SH3BP5: variants seen among roughly 807,000 people sequenced by gnomAD.
SH3BP5 encodes SH3 domain-binding protein 5.
SH3BP5 carries 22 observed loss-of-function variants against 43.3 expected under a neutral mutation model. The observed-to-expected ratio is 0.51, with a 90% confidence interval of 0.36 to 0.73. The LOEUF is 0.73. SH3BP5 is among the 30% of genes least tolerant of loss of function. The pLI is 0.00. For synonymous variants in SH3BP5, 255 were observed against 225.8 expected (o/e 1.13, Z -1.16); for missense variants, 529 against 586.9 (o/e 0.90, Z 1.02).
chr3:15,318,609 C>T (rs1698243334), intron 2 of SH3BP5, among the ~76,000 whole-genome samples: 1 of 151,086 alleles, frequency 6.6e-6, no homozygotes, highest in Non-Finnish European at 1.5e-5. Flanking sequence ...GTCACCCAGG[C>T]TGGAGTGCAG....
chr3:15,329,324 T>C (rs748246140), intron 2 of SH3BP5, among the ~76,000 whole-genome samples: 2 of 152,142 alleles, frequency 1.3e-5, no homozygotes, highest in African/African-American at 4.8e-5. Context: ...GTTTAATGCA[T>C]TAGAAATCTG....
chr3:15,285,535 C>T (rs192134983), intron 3 of SH3BP5, among the ~76,000 whole-genome samples: 6 of 152,290 alleles, frequency 3.9e-5, no homozygotes, highest in South Asian at 2.1e-4. Flanking sequence ...CAGTTTGCCA[C>T]GTTATAAAAT....
rs113875344 is a variant in SH3BP5, at chr3:15,302,674, A to AT, written c.330+1428dup. Among the ~76,000 whole-genome samples the AT allele has an allele frequency of 2.6e-5, 4 of 152,212 alleles. 1 individual carries two copies. The highest frequency in any genetic ancestry group is 9.6e-5 in the African/African-American group (4 of 41,526). On this transcript the variant is annotated intron_variant, in intron 3 of 8. Coordinates refer to ENST00000383791, the MANE Select transcript of SH3BP5 (RefSeq NM_004844.5). Reference sequence around the variant, plus strand: ...TCATTCTCTATGGGTCTATCTTAATATATTCCTAGATTTCTGGGACTTAAT... The same window carrying AT: ...TCATTCTCTATGGGTCTATCTTAATATTATTCCTAGATTTCTGGGACTTAAT...
intron 2 of SH3BP5, among the ~76,000 whole-genome samples, chr3:15,330,007 T>G (rs1698569575): frequency 6.6e-6 from 1 of 152,174 alleles, no homozygotes; most frequent in Non-Finnish European, 1.5e-5. Context: ...TTCTATGCAC[T>G]AGCAGACAAT....
At chr3:15,289,680 T>C (rs1266448945) in intron 3 of SH3BP5, among the ~76,000 whole-genome samples, 1 of 152,212 alleles carries the variant, frequency 6.6e-6, no homozygotes. Context: ...GATTTCAAAA[T>C]TTCAGGCCAC....
intron 5 of SH3BP5, among the ~76,000 whole-genome samples, chr3:15,261,143 C>T (rs1012254909): frequency 1.4e-4 from 21 of 152,200 alleles, no homozygotes; most frequent in Admixed American, 2.6e-4. Flanking sequence ...GCCATATACA[C>T]GTCTACTACT....
At chr3:15,336,129 C>T (rs143614711), upstream of SH3BP5, among the ~76,000 whole-genome samples, 630 of 151,820 alleles carry the variant, frequency 4.1e-3, 2 homozygotes, top group Middle Eastern at 0.017. Flanking sequence ...AGTGAAACTC[C>T]GTCTCAAAAA....
intron 6 of SH3BP5, 131 bp from the exon 7 acceptor site, chr3:15,259,181 C>T (rs2125042678): frequency 1.4e-6 from 1 of 707,608 alleles, no homozygotes; most frequent in Non-Finnish European, 2.4e-6. Context: ...TGACTGAAGA[C>T]CTAATTACCA....
chr3:15,325,792 G>T (rs762884839), intron 2 of SH3BP5, among the ~76,000 whole-genome samples: 35 of 152,190 alleles, frequency 2.3e-4, no homozygotes, highest in Non-Finnish European at 5.0e-4. Context: ...GGCCAAGGGA[G>T]GCAGATCGCT....
intron 3 of SH3BP5, among the ~76,000 whole-genome samples, chr3:15,292,428 G>A (rs1479239537): frequency 1.3e-5 from 2 of 152,218 alleles, no homozygotes; most frequent in Non-Finnish European, 2.9e-5. Context: ...ACAAGGTGAT[G>A]GAGGGCAGCT....
chr3:15,332,681 C>T, upstream of SH3BP5: 1 of 1,134,888 alleles, frequency 8.8e-7, no homozygotes, highest in Non-Finnish European at 1.1e-6. Context: ...GCCGCCAGTC[C>T]CAGCTATCCA....
chr3:15,269,190 G>A (rs563073221), intron 4 of SH3BP5, among the ~76,000 whole-genome samples: 6 of 152,098 alleles, frequency 3.9e-5, no homozygotes, highest in Non-Finnish European at 4.4e-5. Flanking sequence ...ATCACACACA[G>A]TCCGCTTCCT....
chr3:15,293,018 T>A (rs951633583), intron 3 of SH3BP5, among the ~76,000 whole-genome samples: 1 of 152,168 alleles, frequency 6.6e-6, no homozygotes, highest in Non-Finnish European at 1.5e-5. Flanking sequence ...CTGCAACACA[T>A]CTCCTTCCTG....
chr3:15,265,512 T>TCTCTCACACACACACACACACACA (rs1318765546), intron 4 of SH3BP5, among the ~76,000 whole-genome samples: 4 of 107,934 alleles, frequency 3.7e-5, no homozygotes, highest in East Asian at 2.9e-4. Flanking sequence ...CGAGACTCCG[T>TCTCTCACACACACACACACACACA]CACACACACA....
intron 3 of SH3BP5, among the ~76,000 whole-genome samples, chr3:15,299,146 T>C (rs1237271475): frequency 6.6e-6 from 1 of 152,228 alleles, no homozygotes; most frequent in East Asian, 1.9e-4. Flanking sequence ...CACCCTGCTT[T>C]TCAGCGTCAT....
At chr3:15,271,964 C>G (rs142962560) in intron 3 of SH3BP5, among the ~76,000 whole-genome samples, 2 of 152,086 alleles carry the variant, frequency 1.3e-5, no homozygotes, top group Admixed American at 6.5e-5. Context: ...CTCGTCCCAC[C>G]ACCCTCCCTC....
intron 6 of SH3BP5, 87 bp downstream of exon 6, chr3:15,259,674 G>T: frequency 3.4e-6 from 4 of 1,179,418 alleles, no homozygotes; most frequent in South Asian, 1.2e-5. Context: ...ATAGCAAGTG[G>T]CCCATGTGAT....
chr3:15,256,213 C>T lies in SH3BP5; in HGVS notation c.1241G>A (p.Ser414Asn), dbSNP rs1486757984. ...LSSSSGSGGS[S>N]KSQSSTSPEG... ...AGGGGAGGTGCTGCTTTGGCTCTTA[C>T]TGCTGCCACCACTGCCACTGCTACT... The change falls in exon 9 of 9, where the codon AGT becomes AAT. Residue 414 changes from serine (S) to asparagine (N), a missense_variant. Around this residue, in one of 3 missense-constraint regions of SH3BP5, gnomAD observed 369 missense variants for 384.3 expected, o/e 0.96. Coordinates refer to ENST00000383791, the MANE Select transcript of SH3BP5 (RefSeq NM_004844.5). 3 of 1,614,194 alleles carry T rather than the reference C, an allele frequency of 1.9e-6. No homozygotes were observed. Among genetic ancestry groups the T allele is most frequent in the African/African-American group, 1.3e-5 (1 of 75,060 alleles).
chr3:15,281,839 C>T (rs1039565402), intron 3 of SH3BP5, among the ~76,000 whole-genome samples: 1 of 152,082 alleles, frequency 6.6e-6, no homozygotes, highest in African/African-American at 2.4e-5. Flanking sequence ...CCTTTTTCTA[C>T]TAAAAATGCA....
Sources: allele counts gnomAD v4.1 joint callset (sites outside exome capture counted in the v4.1 genomes callset), GRCh38; gene constraint gnomAD v4.1.1; regional missense constraint gnomAD v4.1.1; transcripts MANE v1.5; gene names NCBI Gene and HGNC (gene_info 2026-07-23, HGNC 2026-07-21).